CDH4: variants seen among roughly 807,000 people sequenced by gnomAD.
CDH4 encodes cadherin 4, also known as cadherin-4.
In CDH4, 33 loss-of-function variants were observed where a neutral mutation model predicts 86.0. The ratio of observed to expected loss-of-function variants is 0.38; its 90% CI spans 0.29 to 0.51. CDH4 has a LOEUF of 0.51. CDH4 is among the 20% of genes least tolerant of loss of function. The pLI, the probability that CDH4 is intolerant of heterozygous loss-of-function variation, is 0.86. For missense variants in CDH4, 1,114 were observed against 1,307.4 expected, an observed-to-expected ratio of 0.85 and a Z score of 2.28; for synonymous variants, 555 against 549.4, an observed-to-expected ratio of 1.01 and a Z score of -0.14.
intron 2 of CDH4, among the ~76,000 whole-genome samples, chr20:61,579,345 G>A (rs533419892): frequency 2.7e-5 from 4 of 147,928 alleles, no homozygotes; most frequent in Non-Finnish European, 4.4e-5. Context: ...GGAGTGCAGC[G>A]GCGTGATCTG....
intron 2 of CDH4, among the ~76,000 whole-genome samples, chr20:61,369,052 T>A (rs142257809): frequency 1.3e-5 from 2 of 152,114 alleles, no homozygotes; most frequent in Non-Finnish European, 2.9e-5. Flanking sequence ...CCTACTATCG[T>A]CAAAAATGCC....
chr20:61,801,306 C>T (rs1172824975), intron 4 of CDH4, among the ~76,000 whole-genome samples: 1 of 152,056 alleles, frequency 6.6e-6, no homozygotes, highest in Non-Finnish European at 1.5e-5. Flanking sequence ...CCAGGGTGTC[C>T]AGCCGCATCA....
intron 9 of CDH4, among the ~76,000 whole-genome samples, chr20:61,919,613 C>T (rs183053515): frequency 5.6e-4 from 86 of 152,394 alleles, no homozygotes; most frequent in South Asian, 4.6e-3. Flanking sequence ...TGATTGATTC[C>T]TCCAGCAGAT....
chr20:61,889,869 G>T (rs898009978), intron 7 of CDH4, among the ~76,000 whole-genome samples: 1 of 150,410 alleles, frequency 6.6e-6, no homozygotes, highest in Non-Finnish European at 1.5e-5. Context: ...ATGGATAGAT[G>T]GATGGTGGAT....
chr20:61,815,482 G>C (rs958309643), intron 4 of CDH4, among the ~76,000 whole-genome samples: 1 of 152,162 alleles, frequency 6.6e-6, no homozygotes, highest in African/African-American at 2.4e-5. Context: ...CCACCACATC[G>C]GCCCAGGGAG....
At chr20:61,819,114 C>CT (rs1349756236) in intron 4 of CDH4, among the ~76,000 whole-genome samples, 2 of 152,230 alleles carry the variant, frequency 1.3e-5, no homozygotes, top group African/African-American at 4.8e-5. Flanking sequence ...TGCTGCAGCC[C>CT]TTTCCCCCAT....
In CDH4 at chr20:61,681,649, A is replaced by G. The variant is rs2087514157; in HGVS notation, c.170-61914A>G. 6.6e-6 allele frequency among the ~76,000 whole-genome samples: 1 copy of G among 152,232 alleles called. No homozygotes were observed. Among genetic ancestry groups the G allele is most frequent in the Non-Finnish European group, 1.5e-5 (1 of 68,036 alleles). The stretch of plus-strand genomic sequence containing the variant: ...GCAGGAAGCCCGGAATCCCTTCCAC[A>G]GGCACAGAGCTGAGGGTGCTGCAGA... On this transcript the variant is annotated intron_variant, in intron 2 of 15. Transcript: ENST00000614565. The surrounding 1 kb of genome is among the most constrained non-coding windows in gnomAD (Gnocchi z 4.5).
intron 2 of CDH4, among the ~76,000 whole-genome samples, chr20:61,725,018 A>G (rs1443105028): frequency 6.6e-6 from 1 of 152,196 alleles, no homozygotes; most frequent in Non-Finnish European, 1.5e-5. Flanking sequence ...AGGCTGAGGC[A>G]GGAGAGTCAC....
chr20:61,623,563 T>TC lies in CDH4; in HGVS notation c.170-119999dup, dbSNP rs1359623113. Among the ~76,000 whole-genome samples the TC allele has an allele frequency of 6.6e-6, 1 of 151,912 alleles. No homozygotes were observed. Among genetic ancestry groups the TC allele is most frequent in the African/African-American group, 2.4e-5 (1 of 41,338 alleles). On this transcript the variant is annotated intron_variant, in intron 2 of 15. Transcript: ENST00000614565. The surrounding 1 kb of genome is among the most constrained non-coding windows in gnomAD (Gnocchi z 4.4). ...AACCATATCAAGAGAGCCCGCAGGG[T>TC]CATCAAGAGCTAGACCCAGCGGCCG...
chr20:61,431,973 G>C (rs550011927), intron 2 of CDH4, among the ~76,000 whole-genome samples: 7 of 152,276 alleles, frequency 4.6e-5, no homozygotes, highest in African/African-American at 1.4e-4. Context: ...GCGTCATTGT[G>C]CGTGTGTGCC....
chr20:61,615,023 G>A (rs2086714318), intron 2 of CDH4, among the ~76,000 whole-genome samples: 1 of 152,148 alleles, frequency 6.6e-6, no homozygotes, highest in Admixed American at 6.5e-5. Context: ...GACTTCCAGT[G>A]GAAGAGGCCT....
chr20:61,647,542 T>TCTCTCTCTCTCTCTCC lies in CDH4; in HGVS notation c.170-96018_170-96017insTCTCTCTCTCTCCCTC, dbSNP rs1281087765. ...CACACATATTCTCTCTCCCTCTCCC[T>TCTCTCTCTCTCTCTCC]CTCCCTCTCCCTCTCCCTCTCCCTC... On this transcript the variant is annotated intron_variant, in intron 2 of 15. Transcript: ENST00000614565. 5.5e-5 allele frequency among the ~76,000 whole-genome samples: 6 copies of TCTCTCTCTCTCTCTCC among 108,298 alleles called. 1 individual carries two copies. The highest frequency in any genetic ancestry group is 5.6e-4 in the South Asian group (2 of 3,554). 71.0% of individuals were successfully genotyped at this position (108,298 alleles called of 152,430 possible). A position where few individuals can be genotyped will look rare whatever the true frequency, so the allele number is the denominator to read the frequency against.
intron 2 of CDH4, among the ~76,000 whole-genome samples, chr20:61,319,785 T>TAAA (rs11351576): frequency 7.0e-6 from 1 of 142,212 alleles, no homozygotes. Flanking sequence ...CCATCTCAAT[T>TAAA]AAAAAAAAAA....
intron 2 of CDH4, among the ~76,000 whole-genome samples, chr20:61,509,270 G>A (rs945311348): frequency 1.3e-5 from 2 of 151,918 alleles, no homozygotes; most frequent in Non-Finnish European, 2.9e-5. Context: ...CCGTCAGCCA[G>A]CGCCTAAACT....
intron 2 of CDH4, among the ~76,000 whole-genome samples, chr20:61,312,112 G>A (rs1051372224): frequency 6.1e-5 from 2 of 32,588 alleles, no homozygotes; most frequent in African/African-American, 1.6e-4. Context: ...GTGATGTGTG[G>A]TGTGTGCATG....
intron 2 of CDH4, among the ~76,000 whole-genome samples, chr20:61,739,830 G>C (rs560725698): frequency 3.3e-5 from 5 of 152,360 alleles, no homozygotes; most frequent in African/African-American, 1.2e-4. Flanking sequence ...CCCACAGAAA[G>C]TTCTATAAGC....
intron 2 of CDH4, among the ~76,000 whole-genome samples, chr20:61,568,096 T>C (rs1266336441): frequency 6.6e-6 from 1 of 152,096 alleles, no homozygotes; most frequent in Admixed American, 6.6e-5. Flanking sequence ...AAAGCAAAGG[T>C]CTAGAGGCAG....
At position 61,262,663 on chromosome 20, in the gene CDH4, C is replaced by T. The variant is rs117235240; in HGVS notation, c.169+7726C>T. 3.0e-4 allele frequency among the ~76,000 whole-genome samples: 45 copies of T among 152,302 alleles called. No individual in the cohort carries two copies. In the East Asian group the frequency reaches 6.4e-3, roughly 22 times the overall value. On this transcript the variant is annotated intron_variant, in intron 2 of 15. Transcript: ENST00000614565. ...CATCCCTGTATTGTGTGCTCCATGACACTAATTTCAAAATGTGGAAATTTT... is the reference window on the plus strand; with the variant it reads ...CATCCCTGTATTGTGTGCTCCATGATACTAATTTCAAAATGTGGAAATTTT...
chr20:61,901,479 G>C (rs940773619), intron 8 of CDH4, among the ~76,000 whole-genome samples: 2 of 152,266 alleles, frequency 1.3e-5, no homozygotes, highest in African/African-American at 4.8e-5. Context: ...GTGTCCCCAG[G>C]TGGCTCCCAG....
Sources: allele counts gnomAD v4.1 joint callset (sites outside exome capture counted in the v4.1 genomes callset), GRCh38; gene constraint gnomAD v4.1.1; non-coding constraint Gnocchi (gnomAD v3.1); transcripts MANE v1.5; gene names NCBI Gene and HGNC (gene_info 2026-07-23, HGNC 2026-07-21).